The following PGBD5 variants were observed in gnomAD, a reference collection of about 807,000 sequenced individuals.
PGBD5 encodes the protein piggyBac transposable element derived 5.
PGBD5 carries 14 observed loss-of-function variants against 47.9 expected under a neutral mutation model. The ratio of observed to expected loss-of-function variants is 0.29; its 90% CI spans 0.19 to 0.46. The LOEUF (loss-of-function observed/expected upper bound fraction) is 0.46, where lower values mean the gene tolerates loss of function less well. Ranked by LOEUF, PGBD5 falls within the 20% of genes least tolerant of loss-of-function variation. The pLI is 1.00. For missense variants in PGBD5, 635 were observed against 716.0 expected (o/e 0.89, Z 1.29); for synonymous variants, 316 against 306.3 (o/e 1.03, Z -0.33).
At chr1:230,356,850 G>C (rs1323391126) in intron 2 of PGBD5, 44 bp downstream of exon 2, 3 of 1,579,250 alleles carry the variant, frequency 1.9e-6, no homozygotes, top group Non-Finnish European at 2.6e-6. Flanking sequence ...GGCCGAGAGA[G>C]CGAGGACACC....
chr1:230,381,550 G>T (rs1656494617), intron 1 of PGBD5, among the ~76,000 whole-genome samples: 1 of 152,230 alleles, frequency 6.6e-6, no homozygotes, highest in Non-Finnish European at 1.5e-5. Flanking sequence ...CCCCATCCCT[G>T]CCTGAGCAGA....
chr1:230,390,479 G>C (rs1279162053), intron 1 of PGBD5, among the ~76,000 whole-genome samples: 1 of 152,166 alleles, frequency 6.6e-6, no homozygotes. Flanking sequence ...GCCTACATTT[G>C]TTTGACAATA....
chr1:230,425,611 G>A lies in PGBD5; in HGVS notation c.318C>T (p.Phe106=), dbSNP rs1657757536. ...GCAGCCCCTTACCGCCGGTATCCTC[G>A]AAGCGCGGGGGCGGGCGGTCCCGCA... ...AALRDRPPPR[F]EDTGGPTRKM... Residue 106 remains phenylalanine (F), a synonymous_variant, in exon 1 of 7, where the codon TTC becomes TTT. Coordinates refer to ENST00000391860, the MANE Select transcript of PGBD5 (RefSeq NM_001258311.2). This position sits in a 1 kb window ranked among gnomAD's most constrained non-coding sequence, Gnocchi z 4.7. 1.6e-6 allele frequency: 2 copies of A among 1,219,452 alleles called. No homozygotes were observed. The highest frequency in any genetic ancestry group is 4.3e-5 in the Admixed American group (1 of 23,258). 75.5% of individuals were successfully genotyped at this position (1,219,452 alleles called of 1,614,324 possible).
rs553686418 is a variant in PGBD5 at position 230,357,955 on chromosome 1, T to G, written c.332-634A>C. ...ATACATACATATATATACACATGCA[T>G]ATATACACATACATACACACACATA... On this transcript the variant is annotated intron_variant, in intron 1 of 6. Transcript: ENST00000391860. The surrounding 1 kb of genome is among the most constrained non-coding windows in gnomAD (Gnocchi z 5.7). 1.3e-5 allele frequency among the ~76,000 whole-genome samples: 2 copies of G among 151,946 alleles called. No individual in the cohort carries two copies. Among genetic ancestry groups the G allele is most frequent in the Non-Finnish European group, 2.9e-5 (2 of 68,010 alleles).
chr1:230,378,554 T>C (rs1668048890), intron 1 of PGBD5, among the ~76,000 whole-genome samples: 1 of 152,212 alleles, frequency 6.6e-6, no homozygotes, highest in African/African-American at 2.4e-5. Flanking sequence ...GGATTTCTCC[T>C]GATTGTGTGT....
chr1:230,373,911 T>C lies in PGBD5; in HGVS notation c.332-16590A>G, dbSNP rs534859911. Among the ~76,000 whole-genome samples, 3 of 152,268 alleles carry C rather than the reference T, an allele frequency of 2.0e-5. No individual in the cohort carries two copies. The South Asian group carries it at 6.2e-4, about 32-fold the overall frequency. On this transcript the variant is annotated intron_variant, in intron 1 of 6. Transcript: ENST00000391860. Reference sequence around the variant, plus strand: ...TGGTGTCTCACTATGTTGCCCAGGCTGGTCTCTAACTCCCAGACTCAAGCA... The same window carrying C: ...TGGTGTCTCACTATGTTGCCCAGGCCGGTCTCTAACTCCCAGACTCAAGCA...
chr1:230,371,508 A>G (rs752343546), intron 1 of PGBD5, among the ~76,000 whole-genome samples: 1 of 152,230 alleles, frequency 6.6e-6, no homozygotes, highest in Non-Finnish European at 1.5e-5. Context: ...GCTCCTGGAC[A>G]CAAGCATTTC....
At position 230,350,919 on chromosome 1, in the gene PGBD5, C is replaced by A. The variant is rs765653183; in HGVS notation, c.894+39G>T. 1.5e-5 allele frequency: 24 copies of A among 1,605,050 alleles called. No individual in the cohort carries two copies. The Middle Eastern group carries it at 5.1e-4, about 34-fold the overall frequency. On this transcript the variant is annotated intron_variant, in intron 3 of 6. Transcript: ENST00000391860. ...GTCGCCCGGATTTTCTTCCCCGACCCTCTTCACCGACCCTCCCCGGGCTCA... is the reference window on the plus strand; with the variant it reads ...GTCGCCCGGATTTTCTTCCCCGACCATCTTCACCGACCCTCCCCGGGCTCA...
chr1:230,385,610 CAAAT>C (rs1272636814), intron 1 of PGBD5, among the ~76,000 whole-genome samples: 2 of 152,072 alleles, frequency 1.3e-5, no homozygotes, highest in East Asian at 3.9e-4. Flanking sequence ...TTAGAAAATA[CAAAT>C]AAGCAAAAGG....
chr1:230,410,317 G>GA (rs1438493585), intron 1 of PGBD5, among the ~76,000 whole-genome samples: 4 of 152,050 alleles, frequency 2.6e-5, no homozygotes, highest in Non-Finnish European at 5.9e-5. Context: ...TTCCCAGAGA[G>GA]AAAATAATAA....
At chr1:230,354,782 G>A (rs1443174962) in intron 2 of PGBD5, among the ~76,000 whole-genome samples, 1 of 152,166 alleles carries the variant, frequency 6.6e-6, no homozygotes, top group African/African-American at 2.4e-5. Flanking sequence ...CTGCTAGATG[G>A]AGCTCAGCAT....
Position 230,357,391 on chromosome 1 carries a change from T to G in PGBD5, c.332-70A>C. On this transcript the variant is annotated intron_variant, in intron 1 of 6. Transcript: ENST00000391860. The surrounding 1 kb of genome is among the most constrained non-coding windows in gnomAD (Gnocchi z 5.7). ...CACCCTGACTCGACACGAGAACGGC[T>G]GCATTTCCAATCCCTGGGTCCCTGG... 6.6e-7 allele frequency: 1 copy of G among 1,518,822 alleles called. No individual in the cohort carries two copies. Among genetic ancestry groups the G allele is most frequent in the South Asian group, 1.3e-5 (1 of 79,972 alleles). The allele number at this position is 1,518,822 out of a possible 1,614,324, so 94.1% of individuals were successfully genotyped here. A position where few individuals can be genotyped will look rare whatever the true frequency, so the allele number is the denominator to read the frequency against.
chr1:230,360,664 G>T (rs2102708799), intron 1 of PGBD5, among the ~76,000 whole-genome samples: 1 of 152,280 alleles, frequency 6.6e-6, no homozygotes, highest in South Asian at 2.1e-4. Flanking sequence ...CGCCATGATT[G>T]TAAGTTTCCT....
In PGBD5 at chr1:230,315,806, G is replaced by A. The variant is rs1429201895; in HGVS notation, c.*7619C>T. ...TATATGTATATATGTATACATATAT[G>A]TATATGTGCATACATATAGAGGTAT... On this transcript the variant is annotated 3_prime_UTR_variant, in exon 7 of 7. Transcript: ENST00000391860. The A allele has an allele frequency of 7.4e-6, 1 of 135,266 alleles. No homozygotes were observed. The highest frequency in any genetic ancestry group is 1.6e-5 in the Non-Finnish European group (1 of 60,962). 8.4% of individuals were successfully genotyped at this position (135,266 alleles called of 1,614,324 possible).
chr1:230,332,713 A>C, intron 5 of PGBD5, 131 bp downstream of exon 5: 1 of 1,046,192 alleles, frequency 9.6e-7, no homozygotes, highest in Non-Finnish European at 1.4e-6. Flanking sequence ...ATGCTGGGGA[A>C]TAACCGAGGG....
chr1:230,404,611 CAAAAAA>C (rs747306411), intron 1 of PGBD5, among the ~76,000 whole-genome samples: 4,855 of 100,348 alleles, frequency 0.048, 122 homozygotes, highest in Non-Finnish European at 0.066. Context: ...AGTCTTGTCT[CAAAAAA>C]AAAAAAAAAA....
chr1:230,415,273 TAAA>T (rs36018440), intron 1 of PGBD5, among the ~76,000 whole-genome samples: 4 of 143,766 alleles, frequency 2.8e-5, no homozygotes, highest in Non-Finnish European at 4.6e-5. Context: ...AGACTCTGTC[TAAA>T]AAAAAAAAAA....
chr1:230,356,935 G>C lies in PGBD5; in HGVS notation c.718C>G (p.Gln240Glu). Reference protein sequence around the residue: ...YKVQPFLDSLQNSFDSAFRPS... With the variant: ...YKVQPFLDSLENSFDSAFRPS... ...CTGAAGGCAGAGTCGAAGCTGTTCT[G>C]CAGGGAGTCGAGGAAGGGCTGGACC... Residue 240 changes from glutamine to glutamate, a missense_variant, in exon 2 of 7, where the codon CAG becomes GAG. Gln to Glu is a conservative substitution (Grantham distance 29, BLOSUM62 2). Transcript: ENST00000391860. The C allele has an allele frequency of 6.2e-7, 1 of 1,614,186 alleles. No individual in the cohort carries two copies. The highest frequency in any genetic ancestry group is 8.5e-7 in the Non-Finnish European group (1 of 1,180,030).
rs748906024 is a variant in PGBD5, at chr1:230,323,486, T to C, written c.1514A>G (p.Gln505Arg). 1 of 1,614,150 alleles carries C rather than the reference T, an allele frequency of 6.2e-7. No homozygotes were observed. The highest frequency in any genetic ancestry group is 8.5e-7 in the Non-Finnish European group (1 of 1,180,026). The change falls in exon 7 of 7, where the codon CAG becomes CGG. Residue 505 changes from glutamine (Q) to arginine (R), a missense_variant. Physicochemically the swap from Gln to Arg is conservative, Grantham distance 43. Coordinates refer to ENST00000391860, the MANE Select transcript of PGBD5 (RefSeq NM_001258311.2). The surrounding 1 kb of genome is among the most constrained non-coding windows in gnomAD (Gnocchi z 4.1). Reference sequence around the variant, plus strand: ...CTCTCTGACGAGTCTCTCTCCAAACTGCGCCCGGCTGTACCTCTTCACGTG... The same window carrying C: ...CTCTCTGACGAGTCTCTCTCCAAACCGCGCCCGGCTGTACCTCTTCACGTG... ...AYHVKRYSRAQFGERLVRELL... is the reference protein window; with the variant it reads ...AYHVKRYSRARFGERLVRELL...
Sources: gnomAD v4.1 joint callset for allele counts (sites outside exome capture counted in the v4.1 genomes callset) on GRCh38, gnomAD v4.1.1 for gene constraint, Gnocchi (gnomAD v3.1) non-coding constraint, MANE v1.5 for transcripts, NCBI Gene and HGNC (gene_info 2026-07-23, HGNC 2026-07-21) for gene names.